Variants in GDPD1 observed in about 807,000 individuals in gnomAD.
GDPD1 encodes the protein glycerophosphodiester phosphodiesterase domain containing 1, also known as lysophospholipase D GDPD1.
GDPD1 carries 28 observed loss-of-function variants against 45.1 expected under a neutral mutation model. The observed-to-expected ratio is 0.62, with a 90% confidence interval of 0.46 to 0.85. GDPD1 has a LOEUF of 0.85. GDPD1 is among the 40% of genes least tolerant of loss of function. The pLI, the probability that GDPD1 is intolerant of heterozygous loss-of-function variation, is 0.00. For missense variants in GDPD1, 256 were observed against 364.8 expected (o/e 0.70, Z 2.43); for synonymous variants, 139 against 131.4 (o/e 1.06, Z -0.40).
Position 59,273,075 on chromosome 17 carries a change from T to G in GDPD1, c.822+239T>G, listed in dbSNP as rs191033746. ...TGATGCCAGAGGGGTGGGACAGTGT[T>G]TGTGTGTGTGTATATATATATAAAT... On this transcript the variant is annotated intron_variant, in intron 9 of 9. Transcript: ENST00000284116. The G allele has an allele frequency of 3.2e-3, 1,644 of 521,076 alleles. 10 individuals carry two copies. Among genetic ancestry groups the G allele is most frequent in the Non-Finnish European group, 4.4e-3 (1,422 of 325,182 alleles). The allele number at this position is 521,076 out of a possible 1,614,324, so 32.3% of individuals were successfully genotyped here.
chr17:59,237,953 A>T (rs1241279989), intron 2 of GDPD1, among the ~76,000 whole-genome samples: 2 of 134,052 alleles, frequency 1.5e-5, no homozygotes, highest in African/African-American at 5.9e-5. Flanking sequence ...ACAGAGCAAG[A>T]CTCCGTCTTA....
At chr17:59,236,316 T>C (rs959740746) in intron 2 of GDPD1, among the ~76,000 whole-genome samples, 1 of 152,210 alleles carries the variant, frequency 6.6e-6, no homozygotes, top group African/African-American at 2.4e-5. Flanking sequence ...AAATACAACA[T>C]ATTTTTCATC....
intron 4 of GDPD1, among the ~76,000 whole-genome samples, chr17:59,256,077 G>A (rs1163932641): frequency 1.1e-4 from 16 of 151,346 alleles, no homozygotes; most frequent in Admixed American, 6.6e-4. Context: ...CCAGCACTTC[G>A]GGAGGCCGAG....
intron 4 of GDPD1, among the ~76,000 whole-genome samples, chr17:59,255,849 A>ACACG (rs2047302288): frequency 1.2e-5 from 1 of 85,150 alleles, no homozygotes; most frequent in African/African-American, 7.2e-5. Context: ...ATATATATAT[A>ACACG]TACACACGTA....
Position 59,220,522 on chromosome 17 carries a change from G to C in GDPD1, c.-88G>C, listed in dbSNP as rs1324427417. 7 of 1,464,688 alleles carry C rather than the reference G, an allele frequency of 4.8e-6. No individual in the cohort carries two copies. Among genetic ancestry groups the C allele is most frequent in the East Asian group, 4.6e-5 (2 of 43,046 alleles). The allele number at this position is 1,464,688 out of a possible 1,614,324, so 90.7% of individuals were successfully genotyped here. The stretch of plus-strand genomic sequence containing the variant: ...CACCGGCTGGGGGCGAGCCGACCTC[G>C]AGCAGCCGCCGCCGCCGCCGTCGTT... On this transcript the variant is annotated 5_prime_UTR_variant, in exon 1 of 10. Transcript: ENST00000284116.
chr17:59,267,235 G>T (rs1009112792), intron 7 of GDPD1, 61 bp downstream of exon 7: 111 of 1,436,656 alleles, frequency 7.7e-5, no homozygotes, highest in Middle Eastern at 3.5e-4. Context: ...TAAGATAAAA[G>T]CTCACTAATA....
Position 59,275,007 on chromosome 17 carries a change from A to G in GDPD1, c.*1234A>G. 4 of 590,256 alleles carry G rather than the reference A, an allele frequency of 6.8e-6. No homozygotes were observed. The highest frequency in any genetic ancestry group is 1.2e-5 in the Non-Finnish European group (4 of 326,984). 36.6% of individuals were successfully genotyped at this position (590,256 alleles called of 1,614,324 possible). ...CAGGTGCCTGCTACCATGCCCAGCT[A>G]ATTTTTGTATTTTTAGTAGAGACAG... On this transcript the variant is annotated 3_prime_UTR_variant, in exon 10 of 10. Transcript: ENST00000284116.
rs7221672 is a variant in GDPD1, at chr17:59,274,431, T to C, written c.*658T>C. The C allele has an allele frequency of 0.083, 12,222 of 146,678 alleles. 1,114 individuals carry two copies. Among genetic ancestry groups the C allele is most frequent in the African/African-American group, 0.22 (8,772 of 39,238 alleles). The allele number at this position is 146,678 out of a possible 1,614,324, so 9.1% of individuals were successfully genotyped here. A position where few individuals can be genotyped will look rare whatever the true frequency, so the allele number is the denominator to read the frequency against. ...TTAAGGCTGAGGCACAAGAATTGCT[T>C]GAACCCGGGAGGCAGAGGCTGTAGT... On this transcript the variant is annotated 3_prime_UTR_variant, in exon 10 of 10. Coordinates refer to ENST00000284116, the MANE Select transcript of GDPD1 (RefSeq NM_182569.4).
intron 2 of GDPD1, among the ~76,000 whole-genome samples, chr17:59,236,422 A>ATTT: frequency 6.6e-6 from 1 of 152,246 alleles, no homozygotes; most frequent in African/African-American, 2.4e-5. Flanking sequence ...CTTAAAAAAA[A>ATTT]TTTTTTGGAG....
At position 59,243,773 on chromosome 17, in the gene GDPD1, A is replaced by G. The variant is rs140680313; in HGVS notation, c.186-1641A>G. 1.8e-3 allele frequency among the ~76,000 whole-genome samples: 277 copies of G among 152,354 alleles called. 6 individuals carry two copies. In the East Asian group the frequency reaches 0.046, roughly 26 times the overall value. ...ATACTATGGATTTGGATCATGATTG[A>G]TAAACACTTAGGTGCCAACTGAGTT... On this transcript the variant is annotated intron_variant, in intron 2 of 9. Coordinates refer to ENST00000284116, the MANE Select transcript of GDPD1 (RefSeq NM_182569.4).
chr17:59,250,613 CAA>C (rs34031181), intron 4 of GDPD1, among the ~76,000 whole-genome samples: 46 of 102,196 alleles, frequency 4.5e-4, no homozygotes, highest in Admixed American at 6.6e-4. Context: ...GACCTTGTCT[CAA>C]AAAAAAAAAA....
intron 1 of GDPD1, among the ~76,000 whole-genome samples, chr17:59,227,983 T>C (rs562466327): frequency 1.3e-4 from 19 of 151,784 alleles, no homozygotes; most frequent in Non-Finnish European, 2.7e-4. Flanking sequence ...CAGCCTGGCC[T>C]ACACAGTGAA....
rs2047068394 is a variant in GDPD1, at chr17:59,229,074, A to G, written c.143-5418A>G. Among the ~76,000 whole-genome samples, 4 of 150,586 alleles carry G rather than the reference A, an allele frequency of 2.7e-5. No homozygotes were observed. The Admixed American group carries it at 2.7e-4, about 10-fold the overall frequency. On this transcript the variant is annotated intron_variant, in intron 1 of 9. Transcript: ENST00000284116. ...ACAGACATAACTCCACAAGTAGAAA[A>G]TTCCTAGTAAAAAATAACATGAGGA...
chr17:59,248,941 C>A, intron 4 of GDPD1, 156 bp downstream of exon 4: 1 of 549,652 alleles, frequency 1.8e-6, no homozygotes. Flanking sequence ...GTGAAATTAT[C>A]AGGTCCAAAG....
intron 1 of GDPD1, among the ~76,000 whole-genome samples, chr17:59,227,872 C>A (rs1462550059): frequency 2.6e-5 from 4 of 152,050 alleles, no homozygotes; most frequent in African/African-American, 7.2e-5. Context: ...GAAAAGTTAT[C>A]ATTTTAGAAT....
At chr17:59,254,058 TTA>T (rs2047276620) in intron 4 of GDPD1, among the ~76,000 whole-genome samples, 1 of 107,014 alleles carries the variant, frequency 9.3e-6, no homozygotes, top group African/African-American at 5.0e-5. Flanking sequence ...TCATCTCTAC[TTA>T]AAAAAAAAAA....
chr17:59,259,145 A>AG (rs2047332238), intron 6 of GDPD1, among the ~76,000 whole-genome samples: 1 of 151,142 alleles, frequency 6.6e-6, no homozygotes, highest in East Asian at 1.9e-4. Context: ...AAAAAAAAAA[A>AG]AATCCTGGGC....
chr17:59,269,484 C>CCG (rs1555725568), intron 7 of GDPD1, among the ~76,000 whole-genome samples: 8 of 147,338 alleles, frequency 5.4e-5, no homozygotes, highest in Non-Finnish European at 1.2e-4. Context: ...TACCCCCCCC[C>CCG]CCAAAAAACA....
intron 7 of GDPD1, 56 bp from the exon 8 acceptor site, chr17:59,270,880 C>A: frequency 9.6e-7 from 1 of 1,037,922 alleles, no homozygotes; most frequent in Non-Finnish European, 1.5e-6. Context: ...TTCATTTTAT[C>A]ACACTGATAT....
Sources: allele counts gnomAD v4.1 joint callset (sites outside exome capture counted in the v4.1 genomes callset), GRCh38; gene constraint gnomAD v4.1.1; transcripts MANE v1.5; gene names NCBI Gene and HGNC (gene_info 2026-07-23, HGNC 2026-07-21).